FMN1: variants seen among roughly 807,000 people sequenced by gnomAD.
FMN1 encodes the protein formin 1, also known as formin-1.
FMN1 carries 110 observed loss-of-function variants against 132.4 expected under a neutral mutation model. That is an observed-to-expected ratio of 0.83 (90% confidence interval 0.71 to 0.97). The LOEUF (loss-of-function observed/expected upper bound fraction) is 0.97, where lower values mean the gene tolerates loss of function less well. FMN1 is among the 50% of genes least tolerant of loss of function. The pLI is 0.00. For synonymous variants in FMN1, 722 were observed against 651.7 expected, an observed-to-expected ratio of 1.11 and a Z score of -1.64; for missense variants, 1,792 against 1,705.3, an observed-to-expected ratio of 1.05 and a Z score of -0.90.
intron 4 of FMN1, among the ~76,000 whole-genome samples, chr15:33,128,787 G>C (rs2085181): frequency 0.31 from 46,819 of 152,008 alleles, 7,902 homozygotes; most frequent in East Asian, 0.63. Context: ...CAAACGGTGA[G>C]CAGCAGCAAG....
chr15:32,954,731 C>A (rs1456308436), intron 9 of FMN1, among the ~76,000 whole-genome samples: 2 of 152,062 alleles, frequency 1.3e-5, no homozygotes, highest in African/African-American at 2.4e-5. Context: ...CAAGGCTGGG[C>A]ACGGAGGCTC....
intron 7 of FMN1, among the ~76,000 whole-genome samples, chr15:33,004,404 G>A (rs2034295999): frequency 6.6e-6 from 1 of 152,174 alleles, no homozygotes; most frequent in South Asian, 2.1e-4. Context: ...CTTCTCAAAA[G>A]AAGACATTTA....
intron 6 of FMN1, among the ~76,000 whole-genome samples, chr15:33,032,842 G>T (rs1254740932): frequency 6.6e-6 from 1 of 151,556 alleles, no homozygotes; most frequent in Admixed American, 6.6e-5. Flanking sequence ...GTGGGACCTG[G>T]GGGGGTTATT....
intron 2 of FMN1, among the ~76,000 whole-genome samples, chr15:33,192,185 T>C (rs1966103301): frequency 6.6e-6 from 1 of 152,218 alleles, no homozygotes; most frequent in Non-Finnish European, 1.5e-5. Flanking sequence ...TCCAAAACTT[T>C]AACGTAAAAC....
At chr15:32,875,018 G>A (rs532343470) in intron 16 of FMN1, among the ~76,000 whole-genome samples, 2 of 152,228 alleles carry the variant, frequency 1.3e-5, no homozygotes, top group South Asian at 2.1e-4. Context: ...CTGGTCCAGC[G>A]GGTCCTGGTC....
intron 4 of FMN1, among the ~76,000 whole-genome samples, chr15:33,125,207 G>A (rs967561611): frequency 6.6e-6 from 1 of 151,464 alleles, no homozygotes; most frequent in Non-Finnish European, 1.5e-5. Flanking sequence ...AGCTTAAGAA[G>A]GTCACCTAAT....
At chr15:33,062,403 C>G (rs1187844581) in intron 6 of FMN1, among the ~76,000 whole-genome samples, 1 of 152,042 alleles carries the variant, frequency 6.6e-6, no homozygotes, top group Non-Finnish European at 1.5e-5. Flanking sequence ...GGGGGGATCA[C>G]GAGGTCAAGA....
intron 17 of FMN1, chr15:32,810,913 T>A (rs2057853303): frequency 2.2e-6 from 1 of 454,644 alleles, no homozygotes; most frequent in African/African-American, 2.0e-5. Flanking sequence ...TTGTTTTTAT[T>A]ACAGCTCTAC....
intron 6 of FMN1, among the ~76,000 whole-genome samples, chr15:33,041,413 A>AAAAAAAT (rs2036430483): frequency 6.7e-6 from 1 of 149,950 alleles, no homozygotes; most frequent in Admixed American, 6.6e-5. Context: ...AAAAGACTGG[A>AAAAAAAT]AAAAAATAGT....
intron 4 of FMN1, among the ~76,000 whole-genome samples, chr15:33,116,086 A>G (rs1217525265): frequency 2.0e-5 from 3 of 152,176 alleles, no homozygotes; most frequent in African/African-American, 7.2e-5. Flanking sequence ...CTATAAAAAG[A>G]CATTCCTGAG....
chr15:32,889,198 T>C (rs1298369909), intron 15 of FMN1, among the ~76,000 whole-genome samples: 1 of 152,188 alleles, frequency 6.6e-6, no homozygotes, highest in African/African-American at 2.4e-5. Context: ...AAGTATAGTT[T>C]TAACAAGCTC....
chr15:32,870,763 G>A (rs2059496387), intron 16 of FMN1, among the ~76,000 whole-genome samples: 1 of 152,136 alleles, frequency 6.6e-6, no homozygotes, highest in Non-Finnish European at 1.5e-5. Flanking sequence ...GATTTATAGG[G>A]TGTTAAGCGA....
chr15:32,773,335 C>T lies in FMN1; in HGVS notation c.*975G>A, dbSNP rs2056310840. 6.6e-6 allele frequency: 1 copy of T among 152,232 alleles called. No individual in the cohort carries two copies. The highest frequency in any genetic ancestry group is 6.5e-5 in the Admixed American group (1 of 15,282). 9.4% of individuals were successfully genotyped at this position (152,232 alleles called of 1,614,324 possible). ...GCAGGTGCTGTGAGTTGCATTTGCTCTCCTGTCTGGAAACTGCCTCCTGGG... is the reference window on the plus strand; with the variant it reads ...GCAGGTGCTGTGAGTTGCATTTGCTTTCCTGTCTGGAAACTGCCTCCTGGG... On this transcript the variant is annotated 3_prime_UTR_variant, in exon 21 of 21. Coordinates refer to ENST00000616417, the MANE Select transcript of FMN1 (RefSeq NM_001277313.2).
chr15:33,007,189 T>G (rs767845467), intron 7 of FMN1, among the ~76,000 whole-genome samples: 1 of 152,186 alleles, frequency 6.6e-6, no homozygotes, highest in African/African-American at 2.4e-5. Flanking sequence ...ATATACAATT[T>G]CTATTCGCAA....
intron 4 of FMN1, among the ~76,000 whole-genome samples, chr15:33,126,565 TTC>T (rs1199127860): frequency 6.6e-6 from 1 of 151,938 alleles, no homozygotes; most frequent in African/African-American, 2.4e-5. Flanking sequence ...TTAGCTGAAG[TTC>T]TTAGCACTTC....
intron 4 of FMN1, chr15:33,150,025 G>A (rs1394990850): frequency 2.0e-6 from 2 of 985,346 alleles, no homozygotes; most frequent in African/African-American, 1.7e-5. Context: ...TCAATATCAG[G>A]AAGAACTATG....
intron 4 of FMN1, among the ~76,000 whole-genome samples, chr15:33,119,176 A>C (rs1015443165): frequency 1.3e-5 from 2 of 152,166 alleles, no homozygotes; most frequent in African/African-American, 4.8e-5. Flanking sequence ...AGTTAGATTC[A>C]TCTCTATGTT....
chr15:32,798,214 A>ACC (rs1391114692), intron 19 of FMN1, among the ~76,000 whole-genome samples: 1 of 144,726 alleles, frequency 6.9e-6, no homozygotes, highest in Non-Finnish European at 1.5e-5. Flanking sequence ...ACACACACAC[A>ACC]CACCCCGTCT....
chr15:32,964,774 A>G (rs1398340435), intron 8 of FMN1, among the ~76,000 whole-genome samples: 1 of 152,242 alleles, frequency 6.6e-6, no homozygotes, highest in African/African-American at 2.4e-5. Flanking sequence ...AACTCAGTGC[A>G]GCGTCCTTAA....
Sources: gnomAD v4.1 joint callset for allele counts (sites outside exome capture counted in the v4.1 genomes callset) on GRCh38, gnomAD v4.1.1 for gene constraint, MANE v1.5 for transcripts, NCBI Gene and HGNC (gene_info 2026-07-23, HGNC 2026-07-21) for gene names.